Variants in GPLD1 observed in about 807,000 individuals in gnomAD.
GPLD1 encodes glycosylphosphatidylinositol specific phospholipase D1.
In GPLD1, 84 loss-of-function variants were observed where a neutral mutation model predicts 112.6. The observed-to-expected ratio is 0.75, with a 90% CI of 0.63 to 0.89. The LOEUF (loss-of-function observed/expected upper bound fraction) is 0.89. Ranked by LOEUF, GPLD1 falls within the 40% of genes least tolerant of loss-of-function variation. The pLI, the probability that GPLD1 is intolerant of heterozygous loss-of-function variation, is 0.00. For missense variants in GPLD1, 1,044 were observed against 1,051.5 expected (o/e 0.99, Z 0.10); for synonymous variants, 386 against 403.8 (o/e 0.96, Z 0.53).
rs1290157911 is a variant in GPLD1, at chr6:24,442,217, G to A, written c.2020+3329C>T. 1.3e-5 allele frequency among the ~76,000 whole-genome samples: 2 copies of A among 150,720 alleles called. 1 individual carries two copies. Among genetic ancestry groups the A allele is most frequent in the Non-Finnish European group, 3.0e-5 (2 of 67,788 alleles). ...AGCTCACTGCAGCCTTGAACTCCTGGGCTCAAGTGATCTTCCCACCTCAGC... is the reference window on the plus strand; with the variant it reads ...AGCTCACTGCAGCCTTGAACTCCTGAGCTCAAGTGATCTTCCCACCTCAGC... On this transcript the variant is annotated intron_variant, in intron 20 of 24. Coordinates refer to ENST00000230036, the MANE Select transcript of GPLD1 (RefSeq NM_001503.4).
intron 13 of GPLD1, among the ~76,000 whole-genome samples, chr6:24,455,281 C>T (rs562926244): frequency 5.3e-5 from 8 of 152,298 alleles, no homozygotes; most frequent in South Asian, 2.1e-4. Context: ...GGAGGCCTTT[C>T]GGATCTTTCA....
intron 24 of GPLD1, among the ~76,000 whole-genome samples, chr6:24,432,887 TTC>T (rs1332496234): frequency 6.6e-6 from 1 of 152,196 alleles, no homozygotes; most frequent in African/African-American, 2.4e-5. Context: ...TTACAAAACA[TTC>T]TGTTTTGATT....
chr6:24,451,921 C>T (rs59942835), intron 14 of GPLD1, among the ~76,000 whole-genome samples: 9,132 of 152,278 alleles, frequency 0.06, 641 homozygotes, highest in African/African-American at 0.17. Flanking sequence ...CTATCAGCTG[C>T]ACCATCCGGC....
chr6:24,479,847 G>A, intron 3 of GPLD1, 34 bp downstream of exon 3: 2 of 1,172,774 alleles, frequency 1.7e-6, no homozygotes, highest in Non-Finnish European at 2.6e-6. Context: ...CCAAGTAAAA[G>A]TGACTTCATT....
At chr6:24,440,056 A>G (rs547664234) in intron 20 of GPLD1, among the ~76,000 whole-genome samples, 39 of 152,222 alleles carry the variant, frequency 2.6e-4, no homozygotes, top group African/African-American at 8.9e-4. Flanking sequence ...GCAGAAAACA[A>G]AAGAGCTATT....
At chr6:24,465,752 TAGG>T (rs928153280) in intron 10 of GPLD1, among the ~76,000 whole-genome samples, 2 of 152,094 alleles carry the variant, frequency 1.3e-5, no homozygotes, top group Non-Finnish European at 2.9e-5. Flanking sequence ...TGAGCATGCT[TAGG>T]AGAAGAAAAG....
chr6:24,433,361 A>G lies in GPLD1; in HGVS notation c.2385+2T>C, dbSNP rs376704413. On this transcript the variant is annotated splice_donor_variant, in intron 23 of 24. Transcript: ENST00000230036. LOFTEE classifies it high-confidence loss of function. ...TTCTTCAGTCTTTCAAGGGATACTT[A>G]CTTCAGGAGAAATCAATACATATTG... 4.8e-5 allele frequency: 77 copies of G among 1,608,606 alleles called. No homozygotes were observed. Among genetic ancestry groups the G allele is most frequent in the Non-Finnish European group, 6.1e-5 (72 of 1,175,084 alleles).
At position 24,448,728 on chromosome 6, in the gene GPLD1, G is replaced by A. The variant is rs141696673; in HGVS notation, c.1447-520C>T. Among the ~76,000 whole-genome samples the A allele has an allele frequency of 3.9e-3, 589 of 152,200 alleles. 10 individuals carry two copies. Among genetic ancestry groups the A allele is most frequent in the East Asian group, 0.029 (150 of 5,170 alleles). On this transcript the variant is annotated intron_variant, in intron 15 of 24. Coordinates refer to ENST00000230036, the MANE Select transcript of GPLD1 (RefSeq NM_001503.4). The stretch of plus-strand genomic sequence containing the variant: ...TTTCAGGCTCTTCCATGAAGCCCCC[G>A]GGCCACAGCCTGTTGTACCCATGGC...
chr6:24,491,213 A>G (rs1764549846), upstream of GPLD1, among the ~76,000 whole-genome samples: 1 of 152,088 alleles, frequency 6.6e-6, no homozygotes, highest in African/African-American at 2.4e-5. Context: ...GAGGCCTTTG[A>G]GTTTGCCTCC....
rs576714621 is a variant in GPLD1 at position 24,476,678 on chromosome 6, G to C, written c.233-400C>G. On this transcript the variant is annotated intron_variant, in intron 3 of 24. Transcript: ENST00000230036. The stretch of plus-strand genomic sequence containing the variant: ...GTATCTTCCTTGTCCCTCACAGTCA[G>C]CCTCCTTAAGAGTACAAGAAATAAA... 2.0e-5 allele frequency among the ~76,000 whole-genome samples: 3 copies of C among 152,306 alleles called. No individual in the cohort carries two copies. In the East Asian group the frequency reaches 5.8e-4, roughly 29 times the overall value.
At position 24,494,807 on chromosome 6, in the gene GPLD1, G is replaced by A. The variant is rs542355144; in HGVS notation, n.239+160C>T. The A allele has an allele frequency of 7.8e-5, 46 of 592,054 alleles. No individual in the cohort carries two copies. In the African/African-American group the frequency reaches 8.5e-4, roughly 11 times the overall value. 36.7% of individuals were successfully genotyped at this position (592,054 alleles called of 1,614,324 possible). ...GCGCTTAGGGCAAGGTGCAGAGGGC[G>A]GCGCGGCGGTGCAGCGAGAAAGACG... On this transcript the variant is annotated intron_variant and non_coding_transcript_variant, in intron 1 of 10. Transcript: ENST00000474784.
chr6:24,467,019 A>T, intron 8 of GPLD1, 80 bp from the exon 9 acceptor site: 1 of 1,304,902 alleles, frequency 7.7e-7, no homozygotes, highest in Admixed American at 1.7e-5. Context: ...AAAAAGTTCC[A>T]TCCACCCTTT....
intron 22 of GPLD1, chr6:24,433,649 C>G: frequency 5.6e-6 from 2 of 359,222 alleles, no homozygotes; most frequent in East Asian, 5.8e-5. Flanking sequence ...CCCACCACCA[C>G]GCCCGGTTAA....
Position 24,437,390 on chromosome 6 carries a change from T to C in GPLD1, c.2021-101A>G. On this transcript the variant is annotated intron_variant, in intron 20 of 24. Transcript: ENST00000230036. ...AAGTGACACTGATCACTCGGGATCC[T>C]ACAGGACAGTCGGTTTCGGAGCTGG... The C allele has an allele frequency of 6.2e-6, 7 of 1,121,780 alleles. 1 individual carries two copies. The South Asian group carries it at 1.0e-4, about 16-fold the overall frequency. 69.5% of individuals were successfully genotyped at this position (1,121,780 alleles called of 1,614,324 possible).
chr6:24,488,222 A>G (rs987851399), intron 1 of GPLD1, among the ~76,000 whole-genome samples: 2 of 152,110 alleles, frequency 1.3e-5, no homozygotes, highest in African/African-American at 4.8e-5. Flanking sequence ...CCTGGCTAAC[A>G]TGGTGAAACC....
chr6:24,468,116 G>A (rs376623297), intron 7 of GPLD1, among the ~76,000 whole-genome samples: 1 of 151,956 alleles, frequency 6.6e-6, no homozygotes, highest in Non-Finnish European at 1.5e-5. Flanking sequence ...ATGTTGGTCA[G>A]GCTGGTCTCG....
At chr6:24,436,907 T>C (rs1471791731) in intron 21 of GPLD1, among the ~76,000 whole-genome samples, 171 bp from the exon 22 acceptor site, 1 of 152,218 alleles carries the variant, frequency 6.6e-6, no homozygotes, top group African/African-American at 2.4e-5. Context: ...CATTCATCAA[T>C]AGCAATTACT....
intron 3 of GPLD1, among the ~76,000 whole-genome samples, chr6:24,478,708 G>T (rs1426386126): frequency 2.0e-5 from 3 of 151,806 alleles, no homozygotes; most frequent in Non-Finnish European, 2.9e-5. Context: ...CAGTGGGCTG[G>T]CTGTGCCCCT....
At chr6:24,431,853 C>T (rs1374901918) in intron 24 of GPLD1, among the ~76,000 whole-genome samples, 1 of 152,122 alleles carries the variant, frequency 6.6e-6, no homozygotes, top group Non-Finnish European at 1.5e-5. Flanking sequence ...ACTTTTTAAT[C>T]TGCCATATCG....
Sources: gnomAD v4.1 joint callset for allele counts (sites outside exome capture counted in the v4.1 genomes callset) on GRCh38, gnomAD v4.1.1 for gene constraint, MANE v1.5 for transcripts, NCBI Gene and HGNC (gene_info 2026-07-23, HGNC 2026-07-21) for gene names.